The following BRD10 variants were observed in gnomAD, a reference collection of about 807,000 sequenced individuals.
BRD10 encodes uncharacterized bromodomain-containing protein 10.
chr9:5,901,959 T>C, the BRD10 span, among the ~76,000 whole-genome samples: 3 of 152,244 alleles, frequency 2.0e-5, no homozygotes, highest in Non-Finnish European at 2.9e-5. Context: ...TCATGAGTGA[T>C]ATTGAGCTGT....
At chr9:5,879,578 A>G in the BRD10 span, among the ~76,000 whole-genome samples, 1 of 152,090 alleles carries the variant, frequency 6.6e-6, no homozygotes, top group African/African-American at 2.4e-5. Context: ...ACCCTTGATG[A>G]CCGCCCACAC....
the BRD10 span, among the ~76,000 whole-genome samples, chr9:5,975,355 C>T: frequency 7.0e-6 from 1 of 142,274 alleles, no homozygotes; most frequent in South Asian, 2.2e-4. Flanking sequence ...AGAAGAATCG[C>T]TTGAACCTGG....
chr9:5,957,433 T>C, the BRD10 span, among the ~76,000 whole-genome samples: 1 of 152,150 alleles, frequency 6.6e-6, no homozygotes, highest in Admixed American at 6.5e-5. Flanking sequence ...GTTATTCTAA[T>C]TAATCTTAAC....
At chr9:5,920,561 G>C in the BRD10 span, 1 of 1,613,824 alleles carries the variant, frequency 6.2e-7, no homozygotes. Context: ...TGTTGAAAGG[G>C]ACGACAATTC....
chr9:5,911,405 G>GTTTTTTTTT, the BRD10 span, among the ~76,000 whole-genome samples: 1 of 103,588 alleles, frequency 9.7e-6, no homozygotes. Context: ...GTCTATGTGT[G>GTTTTTTTTT]TTTTTTTTTT....
chr9:5,944,564 G>C, the BRD10 span, among the ~76,000 whole-genome samples: 1 of 151,894 alleles, frequency 6.6e-6, no homozygotes, highest in Non-Finnish European at 1.5e-5. Context: ...AAGAATATTT[G>C]CAAGGCAAAC....
chr9:6,005,705 T>C, the BRD10 span, among the ~76,000 whole-genome samples: 2 of 152,230 alleles, frequency 1.3e-5, no homozygotes, highest in African/African-American at 4.8e-5. Context: ...AGGAGGATAC[T>C]TCATAACTTC....
the BRD10 span, among the ~76,000 whole-genome samples, chr9:5,948,493 T>C: frequency 4.0e-5 from 6 of 151,798 alleles, no homozygotes; most frequent in African/African-American, 1.5e-4. Flanking sequence ...GGGGAGGCCC[T>C]GTAGAGATAA....
At chr9:5,929,029 T>C in the BRD10 span, 1 of 1,360,590 alleles carries the variant, frequency 7.3e-7, no homozygotes. Flanking sequence ...AAACAGATTA[T>C]AACATTAAAA....
the BRD10 span, among the ~76,000 whole-genome samples, chr9:5,997,537 A>C: frequency 2.0e-4 from 31 of 152,296 alleles, no homozygotes; most frequent in African/African-American, 6.7e-4. Context: ...GAATAGTTAG[A>C]TCAACAGCAC....
the BRD10 span, chr9:5,881,540 TGGGTAACCCTCA>T: frequency 0.29 from 44,079 of 152,134 alleles, 7,008 homozygotes; most frequent in African/African-American, 0.43. Context: ...TGCTGGGGCC[TGGGTAACCCTCA>T]GGGTTGCCCT....
chr9:5,951,581 CA>C, the BRD10 span, among the ~76,000 whole-genome samples: 1 of 152,084 alleles, frequency 6.6e-6, no homozygotes, highest in African/African-American at 2.4e-5. Context: ...ACACCTTGAA[CA>C]AAACAAATAA....
chr9:5,977,158 T>C, the BRD10 span, among the ~76,000 whole-genome samples: 1 of 152,198 alleles, frequency 6.6e-6, no homozygotes, highest in Non-Finnish European at 1.5e-5. Context: ...CCAACTGACT[T>C]GCTCCTAGAA....
At chr9:5,952,861 G>C in the BRD10 span, among the ~76,000 whole-genome samples, 1 of 152,110 alleles carries the variant, frequency 6.6e-6, no homozygotes, top group South Asian at 2.1e-4. Flanking sequence ...AGGCCTCTAA[G>C]TAAACAGTAA....
At chr9:5,954,733 T>C in the BRD10 span, among the ~76,000 whole-genome samples, 7,842 of 152,232 alleles carry the variant, frequency 0.052, 233 homozygotes, top group Middle Eastern at 0.078. Context: ...CAATTCACAG[T>C]ATACACTGAA....
chr9:5,952,700 A>C, the BRD10 span, among the ~76,000 whole-genome samples: 1 of 152,210 alleles, frequency 6.6e-6, no homozygotes, highest in Non-Finnish European at 1.5e-5. Context: ...ACAATGGGCC[A>C]GATTTGCTCT....
At chr9:5,919,849 G>A in the BRD10 span, 3 of 1,613,904 alleles carry the variant, frequency 1.9e-6, no homozygotes, top group East Asian at 4.5e-5. Flanking sequence ...CTCCTTCTGG[G>A]CTAACCAACA....
At chr9:5,933,801 T>C in the BRD10 span, 8 of 471,238 alleles carry the variant, frequency 1.7e-5, no homozygotes, top group African/African-American at 4.0e-5. Flanking sequence ...GGGATGGGTA[T>C]GACAGCACCA....
the BRD10 span, chr9:5,921,670 T>C: frequency 6.2e-7 from 1 of 1,613,980 alleles, no homozygotes; most frequent in South Asian, 1.1e-5. Flanking sequence ...TGATATAATC[T>C]ACTTGTTGCT....
Sources: allele counts gnomAD v4.1 joint callset (sites outside exome capture counted in the v4.1 genomes callset), GRCh38; gene constraint gnomAD v4.1.1; transcripts MANE v1.5; gene names NCBI Gene and HGNC (gene_info 2026-07-23, HGNC 2026-07-21).